FERRY3: variants seen among roughly 807,000 people sequenced by gnomAD.
FERRY3 encodes FERRY endosomal RAB5 effector complex subunit 3.
the FERRY3 span, among the ~76,000 whole-genome samples, chr12:4,526,657 C>T: frequency 5.4e-4 from 82 of 152,098 alleles, no homozygotes; most frequent in African/African-American, 1.5e-3. Flanking sequence ...GCCTGGCCAA[C>T]GTGATGAAAC....
chr12:4,491,126 T>C, the FERRY3 span: 1 of 1,557,758 alleles, frequency 6.4e-7, no homozygotes, highest in Non-Finnish European at 8.9e-7. Context: ...CTACTTTCAA[T>C]GTTTGGGAGG....
At chr12:4,534,291 C>G in the FERRY3 span, 1 of 1,608,292 alleles carries the variant, frequency 6.2e-7, no homozygotes, top group African/African-American at 1.3e-5. Flanking sequence ...TGAGTCAGAG[C>G]TTCTTTTAAG....
the FERRY3 span, among the ~76,000 whole-genome samples, chr12:4,501,877 A>G: frequency 1.3e-5 from 2 of 152,320 alleles, no homozygotes; most frequent in Non-Finnish European, 2.9e-5. Context: ...GCTGGTGCCA[A>G]AAACGTTGGG....
At chr12:4,508,684 G>A in the FERRY3 span, among the ~76,000 whole-genome samples, 1 of 152,116 alleles carries the variant, frequency 6.6e-6, no homozygotes, top group Non-Finnish European at 1.5e-5. Flanking sequence ...GGCAGAGGTT[G>A]CAGGGACTGA....
chr12:4,516,730 G>T, the FERRY3 span, among the ~76,000 whole-genome samples: 1 of 152,132 alleles, frequency 6.6e-6, no homozygotes, highest in African/African-American at 2.4e-5. Context: ...AGAACATCAG[G>T]AAGAATAGGT....
At chr12:4,509,560 C>G in the FERRY3 span, among the ~76,000 whole-genome samples, 1 of 148,842 alleles carries the variant, frequency 6.7e-6, no homozygotes, top group South Asian at 2.1e-4. Context: ...TGAGAACGGG[C>G]AGACTGCCTC....
the FERRY3 span, among the ~76,000 whole-genome samples, chr12:4,517,568 A>G: frequency 1.3e-5 from 2 of 150,954 alleles, no homozygotes; most frequent in Non-Finnish European, 3.0e-5. Flanking sequence ...CGTTTCATAT[A>G]TTTTATATAT....
At chr12:4,519,362 C>A in the FERRY3 span, among the ~76,000 whole-genome samples, 1 of 151,986 alleles carries the variant, frequency 6.6e-6, no homozygotes, top group East Asian at 1.9e-4. The surrounding 1 kb of genome is among the most constrained non-coding windows in gnomAD (Gnocchi z 4.3). Flanking sequence ...TTACTTTTAC[C>A]ATTTCTTGTT....
chr12:4,537,693 C>A, the FERRY3 span, among the ~76,000 whole-genome samples: 233 of 152,152 alleles, frequency 1.5e-3, 1 homozygote, highest in Admixed American at 5.5e-3. Context: ...TCTATTTCAC[C>A]ATAATGCAAA....
chr12:4,520,680 C>T, the FERRY3 span, among the ~76,000 whole-genome samples: 1 of 152,130 alleles, frequency 6.6e-6, no homozygotes, highest in Non-Finnish European at 1.5e-5. Context: ...GTACATTGCT[C>T]GGGTGATGGA....
the FERRY3 span, among the ~76,000 whole-genome samples, chr12:4,524,574 A>G: frequency 6.6e-6 from 1 of 152,220 alleles, no homozygotes; most frequent in African/African-American, 2.4e-5. Context: ...AAAAATATTT[A>G]TAGCATACAC....
the FERRY3 span, among the ~76,000 whole-genome samples, chr12:4,491,800 T>A: frequency 6.6e-6 from 1 of 152,236 alleles, no homozygotes. Context: ...TTTAAAAATC[T>A]GTCCCCCTTC....
At chr12:4,536,113 G>C in the FERRY3 span, 10 of 1,608,920 alleles carry the variant, frequency 6.2e-6, no homozygotes, top group Non-Finnish European at 6.8e-6. Context: ...GGCACTCTCA[G>C]TTCTAAGCAC....
At chr12:4,527,587 C>T in the FERRY3 span, among the ~76,000 whole-genome samples, 1 of 151,402 alleles carries the variant, frequency 6.6e-6, no homozygotes, top group African/African-American at 2.5e-5. Context: ...CACTTCTGCT[C>T]ATGAAATGGA....
chr12:4,534,863 T>G, the FERRY3 span, among the ~76,000 whole-genome samples: 371 of 152,328 alleles, frequency 2.4e-3, 3 homozygotes, highest in African/African-American at 8.5e-3. Flanking sequence ...CGTATTCCCT[T>G]GATACTAATA....
the FERRY3 span, chr12:4,525,274 G>A: frequency 1.2e-6 from 2 of 1,613,406 alleles, no homozygotes; most frequent in East Asian, 4.5e-5. Context: ...TGTTGTTGGG[G>A]TTTTTTAGGT....
At chr12:4,513,533 T>C in the FERRY3 span, among the ~76,000 whole-genome samples, 1 of 151,016 alleles carries the variant, frequency 6.6e-6, no homozygotes, top group East Asian at 2.0e-4. Flanking sequence ...ATGGTACTGG[T>C]ACCAAAACAG....
chr12:4,496,043 C>T, the FERRY3 span, among the ~76,000 whole-genome samples: 1 of 152,192 alleles, frequency 6.6e-6, no homozygotes, highest in Non-Finnish European at 1.5e-5. Flanking sequence ...GGAAACTAGA[C>T]AGCTACCTGT....
the FERRY3 span, among the ~76,000 whole-genome samples, chr12:4,506,524 A>G: frequency 6.6e-6 from 1 of 152,194 alleles, no homozygotes; most frequent in Non-Finnish European, 1.5e-5. Context: ...GTGATTTGAT[A>G]GGCTTTGAAT....
Sources: gnomAD v4.1 joint callset for allele counts (sites outside exome capture counted in the v4.1 genomes callset) on GRCh38, gnomAD v4.1.1 for gene constraint, Gnocchi (gnomAD v3.1) non-coding constraint, MANE v1.5 for transcripts, NCBI Gene and HGNC (gene_info 2026-07-23, HGNC 2026-07-21) for gene names.